The following MYPN variants were observed in gnomAD, a reference collection of about 807,000 sequenced individuals.
MYPN encodes the protein sarcomeric protein myopalladin, 145 kDa (MYOP).
MYPN carries 63 observed loss-of-function variants against 129.4 expected under a neutral mutation model. That is an observed-to-expected ratio of 0.49 (90% CI 0.40 to 0.60). MYPN has a LOEUF of 0.60. Among genes scored for constraint, MYPN ranks in the 20% least tolerant of loss-of-function variants. The pLI is 0.00. For missense variants in MYPN, 1,596 were observed against 1,635.4 expected (o/e 0.98, Z 0.42); for synonymous variants, 629 against 600.9 (o/e 1.05, Z -0.68).
intron 3 of MYPN, among the ~76,000 whole-genome samples, chr10:68,143,836 C>A (rs1478673466): frequency 6.6e-6 from 1 of 152,130 alleles, no homozygotes; most frequent in Admixed American, 6.5e-5. Flanking sequence ...CCCACTGCAA[C>A]CTCCGCCTCC....
In MYPN at chr10:68,205,149, G is replaced by A. The variant is rs1206198596; in HGVS notation, c.3660-1621G>A. On this transcript the variant is annotated intron_variant, in intron 18 of 19. Transcript: ENST00000358913. ...TAGTCGTCTCAGGTCTTTATACAGT[G>A]TTACATTTTTCTGTGAGCCTAACCT... is the stretch of plus-strand genomic sequence containing the variant. Among the ~76,000 whole-genome samples the A allele has an allele frequency of 2.0e-5, 3 of 152,200 alleles. No individual in the cohort carries two copies. The East Asian group carries it at 5.8e-4, about 29-fold the overall frequency.
intron 2 of MYPN, chr10:68,136,101 C>T (rs2042483256): frequency 5.8e-6 from 2 of 344,014 alleles, no homozygotes; most frequent in Non-Finnish European, 8.2e-6. Context: ...TTATCCAAGC[C>T]ATATTTTAGA....
rs1042480350 is a variant in MYPN at position 68,189,058 on chromosome 10, C to T, written c.2857C>T (p.His953Tyr). ...TCCCATCTTTGACAAGAGACTCAAGCACTTCCGGGTCACAGAAGGCTCTCC... is the reference window on the plus strand; with the variant it reads ...TCCCATCTTTGACAAGAGACTCAAGTACTTCCGGGTCACAGAAGGCTCTCC... The part of the protein sequence containing the change: ...IAPIFDKRLK[H>Y]FRVTEGSPVT... The change falls in exon 13 of 20, where the codon CAC (histidine) becomes TAC (tyrosine). Residue 953 changes from histidine to tyrosine, a missense_variant. By Grantham distance (83) the His-to-Tyr change is moderately conservative. Coordinates refer to ENST00000358913, the MANE Select transcript of MYPN (RefSeq NM_032578.4). 1 of 1,614,010 alleles carries T rather than the reference C, an allele frequency of 6.2e-7. No homozygotes were observed. Among genetic ancestry groups the T allele is most frequent in the African/African-American group, 1.3e-5 (1 of 74,916 alleles).
chr10:68,208,702 C>T (rs907846835), intron 19 of MYPN, among the ~76,000 whole-genome samples: 6 of 152,138 alleles, frequency 3.9e-5, no homozygotes, highest in Non-Finnish European at 8.8e-5. Flanking sequence ...TTCCATAGCA[C>T]CAACAATAGG....
chr10:68,193,757 T>C (rs1168982750), intron 13 of MYPN, among the ~76,000 whole-genome samples: 1 of 144,904 alleles, frequency 6.9e-6, no homozygotes, highest in Non-Finnish European at 1.5e-5. Context: ...CCTTCACACA[T>C]GCAAAACTTA....
At chr10:68,195,614 C>G in intron 15 of MYPN, 82 bp downstream of exon 15, 1 of 1,139,926 alleles carries the variant, frequency 8.8e-7, no homozygotes, top group African/African-American at 1.5e-5. Flanking sequence ...ACTGGATCCA[C>G]AAATTCTTAA....
At chr10:68,150,249 TAGTTACTAC>T in intron 6 of MYPN, 138 bp downstream of exon 6, 2 of 736,760 alleles carry the variant, frequency 2.7e-6, no homozygotes, top group South Asian at 3.2e-5. Context: ...GTTGTTTTGT[TAGTTACTAC>T]AGTATCGCTT....
At chr10:68,106,817 C>T (rs188105968), upstream of MYPN, 39 of 716,976 alleles carry the variant, frequency 5.4e-5, 1 homozygote, top group East Asian at 9.7e-4. Context: ...TAAATTGTTT[C>T]TGTGGCTGAC....
chr10:68,166,788 G>A, intron 10 of MYPN, 122 bp downstream of exon 10: 2 of 1,354,298 alleles, frequency 1.5e-6, no homozygotes, highest in South Asian at 1.3e-5. Flanking sequence ...GAGCACTTTG[G>A]GAGGCTGAGG....
upstream of MYPN, among the ~76,000 whole-genome samples, chr10:68,103,001 T>C (rs1185656329): frequency 3.9e-5 from 6 of 152,200 alleles, no homozygotes; most frequent in East Asian, 1.2e-3. Context: ...CATTGAACCA[T>C]GAATCTTTGT....
At chr10:68,150,224 C>T (rs926258206) in intron 6 of MYPN, 113 bp downstream of exon 6, 34 of 922,282 alleles carry the variant, frequency 3.7e-5, no homozygotes, top group East Asian at 1.3e-4. Context: ...TCTGTATGTA[C>T]GGTATAGGGT....
At chr10:68,136,822 T>A in intron 2 of MYPN, 1 of 1,330,490 alleles carries the variant, frequency 7.5e-7, no homozygotes, top group Non-Finnish European at 1.0e-6. Context: ...CTATTGATAT[T>A]TGTTTTATCA....
At chr10:68,093,782 A>G (rs1405480506) in intron 1 of MYPN, among the ~76,000 whole-genome samples, 1 of 151,976 alleles carries the variant, frequency 6.6e-6, no homozygotes, top group African/African-American at 2.4e-5. Flanking sequence ...AAGTAAAAGA[A>G]TAAAAGAATA....
intron 2 of MYPN, among the ~76,000 whole-genome samples, chr10:68,139,764 A>AT (rs1021433879): frequency 1.3e-5 from 2 of 152,076 alleles, no homozygotes; most frequent in African/African-American, 2.4e-5. Context: ...TTAACTGTGA[A>AT]TTTTTTCCAT....
intron 1 of MYPN, among the ~76,000 whole-genome samples, chr10:68,094,074 A>C (rs1250679482): frequency 1.3e-5 from 2 of 152,078 alleles, no homozygotes; most frequent in Non-Finnish European, 2.9e-5. Context: ...ACCAAAGGTC[A>C]CTTTCGTCGC....
intron 19 of MYPN, among the ~76,000 whole-genome samples, 171 bp downstream of exon 19, chr10:68,207,074 G>A (rs1170887206): frequency 1.3e-5 from 2 of 152,004 alleles, no homozygotes; most frequent in Non-Finnish European, 2.9e-5. Context: ...CCTGGTCAAC[G>A]TGATGAAACT....
intron 5 of MYPN, among the ~76,000 whole-genome samples, chr10:68,149,508 C>T (rs2042729703): frequency 6.6e-6 from 1 of 151,974 alleles, no homozygotes; most frequent in Admixed American, 6.6e-5. Flanking sequence ...CTGTGTTGCT[C>T]AGGCTGGTCT....
Position 68,155,893 on chromosome 10 carries a change from C to T in MYPN, c.1318-2593C>T, listed in dbSNP as rs142009482. ...ATCACAGACATTAGGAGGCCCATTC[C>T]ATACACTGTAGTATCTCACATAACT... On this transcript the variant is annotated intron_variant, in intron 6 of 19. Transcript: ENST00000358913. 2.0e-5 allele frequency among the ~76,000 whole-genome samples: 3 copies of T among 152,290 alleles called. No individual in the cohort carries two copies. The East Asian group carries it at 5.8e-4, about 29-fold the overall frequency.
intron 1 of MYPN, among the ~76,000 whole-genome samples, chr10:68,118,692 G>A (rs1350978580): frequency 6.6e-6 from 1 of 152,042 alleles, no homozygotes; most frequent in African/African-American, 2.4e-5. Flanking sequence ...ATATTAGCCA[G>A]GTGTGGTGGT....
Sources: gnomAD v4.1 joint callset for allele counts (sites outside exome capture counted in the v4.1 genomes callset) on GRCh38, gnomAD v4.1.1 for gene constraint, MANE v1.5 for transcripts, NCBI Gene and HGNC (gene_info 2026-07-23, HGNC 2026-07-21) for gene names.